KCNQ5: variants seen among roughly 807,000 people sequenced by gnomAD.
The protein encoded by KCNQ5 is potassium voltage-gated channel subfamily Q member 5, also known as potassium voltage-gated channel subfamily KQT member 5.
Under a neutral mutation model 98.2 loss-of-function variants are expected in KCNQ5, and 30 were observed. The ratio of observed to expected loss-of-function variants is 0.31; its 90% CI spans 0.23 to 0.41. The LOEUF is 0.41. Ranked by LOEUF, KCNQ5 falls within the 10% of genes least tolerant of loss-of-function variation. The pLI is 1.00. For missense variants in KCNQ5, 835 were observed against 1,182.5 expected (o/e 0.71, Z 4.31); for synonymous variants, 458 against 449.4 (o/e 1.02, Z -0.24).
At chr6:72,882,305 C>T (rs1339276433) in intron 1 of KCNQ5, among the ~76,000 whole-genome samples, 9 of 152,152 alleles carry the variant, frequency 5.9e-5, no homozygotes, top group African/African-American at 2.2e-4. Flanking sequence ...TTTAGTCCTG[C>T]TGTACAAAGA....
At chr6:72,891,401 C>T (rs1779052710) in intron 1 of KCNQ5, among the ~76,000 whole-genome samples, 1 of 152,096 alleles carries the variant, frequency 6.6e-6, no homozygotes, top group Non-Finnish European at 1.5e-5. Context: ...AGAGAATTAT[C>T]AATATATGAA....
chr6:73,055,812 C>A (rs1772462153), intron 3 of KCNQ5: 3 of 805,960 alleles, frequency 3.7e-6, no homozygotes, highest in Admixed American at 1.8e-5. Context: ...AGACCATGTG[C>A]AAAGCCATGG....
At chr6:73,087,180 A>G (rs2150400726) in intron 5 of KCNQ5, among the ~76,000 whole-genome samples, 1 of 152,328 alleles carries the variant, frequency 6.6e-6, no homozygotes, top group East Asian at 1.9e-4. Context: ...AAAAGCAGAG[A>G]GAGCAATTAA....
chr6:73,065,934 G>A (rs1431441820), intron 3 of KCNQ5, among the ~76,000 whole-genome samples: 1 of 152,140 alleles, frequency 6.6e-6, no homozygotes, highest in Non-Finnish European at 1.5e-5. Context: ...ATCACTTGAG[G>A]TCAGGAGTTC....
intron 5 of KCNQ5, among the ~76,000 whole-genome samples, chr6:73,103,686 G>A (rs1309382158): frequency 6.6e-6 from 1 of 151,928 alleles, no homozygotes; most frequent in Non-Finnish European, 1.5e-5. Flanking sequence ...TAGAATGATG[G>A]GTACCAGAGT....
chr6:72,837,614 G>A (rs1776561330), intron 1 of KCNQ5, among the ~76,000 whole-genome samples: 1 of 152,100 alleles, frequency 6.6e-6, no homozygotes, highest in Non-Finnish European at 1.5e-5. Flanking sequence ...AAATGTAAAA[G>A]GCATAAATGA....
intron 1 of KCNQ5, among the ~76,000 whole-genome samples, chr6:72,827,947 G>A (rs1046833736): frequency 2.0e-5 from 3 of 151,996 alleles, no homozygotes; most frequent in Non-Finnish European, 2.9e-5. Context: ...TTCTGCATAC[G>A]GATATCCAGT....
At chr6:72,911,351 CTCTT>C (rs1459846436) in intron 1 of KCNQ5, among the ~76,000 whole-genome samples, 1 of 152,150 alleles carries the variant, frequency 6.6e-6, no homozygotes, top group Non-Finnish European at 1.5e-5. Flanking sequence ...TAGCTAGCCT[CTCTT>C]TCCGCCATGT....
At chr6:72,634,184 C>T (rs1176725415) in intron 1 of KCNQ5, among the ~76,000 whole-genome samples, 1 of 152,088 alleles carries the variant, frequency 6.6e-6, no homozygotes, top group East Asian at 1.9e-4. Flanking sequence ...AGTGTATGCA[C>T]AATAAATGTT....
chr6:72,624,333 A>T (rs570974048), intron 1 of KCNQ5, among the ~76,000 whole-genome samples: 26 of 152,356 alleles, frequency 1.7e-4, no homozygotes, highest in African/African-American at 4.8e-4. Flanking sequence ...GGTAGCAAAT[A>T]TATATACTGT....
At chr6:72,666,492 T>A (rs575898305) in intron 1 of KCNQ5, among the ~76,000 whole-genome samples, 1 of 152,340 alleles carries the variant, frequency 6.6e-6, no homozygotes, top group East Asian at 1.9e-4. Context: ...TACTTTAAAC[T>A]CTGTTTTGAA....
Position 73,171,868 on chromosome 6 carries a change from A to G in KCNQ5, c.1577+2014A>G, listed in dbSNP as rs189150898. Among the ~76,000 whole-genome samples, 225 of 152,330 alleles carry G rather than the reference A, an allele frequency of 1.5e-3. 1 individual carries two copies. The highest frequency in any genetic ancestry group is 5.2e-3 in the African/African-American group (218 of 41,572). ...AGTGAGAGCAGATTAGGCTTCCTAAAAGTCATACTTAACCCAGTTTATGTC... is the reference window on the plus strand; with the variant it reads ...AGTGAGAGCAGATTAGGCTTCCTAAGAGTCATACTTAACCCAGTTTATGTC... On this transcript the variant is annotated intron_variant, in intron 11 of 13. Transcript: ENST00000370398.
chr6:73,057,544 A>G (rs1002028011), intron 3 of KCNQ5, among the ~76,000 whole-genome samples: 3 of 152,162 alleles, frequency 2.0e-5, no homozygotes, highest in African/African-American at 7.2e-5. Flanking sequence ...ACAGCTAACC[A>G]GGTAGGTGAA....
chr6:72,950,789 A>G (rs981974505), intron 1 of KCNQ5, among the ~76,000 whole-genome samples: 1 of 152,232 alleles, frequency 6.6e-6, no homozygotes, highest in Non-Finnish European at 1.5e-5. Flanking sequence ...CATAACTTGG[A>G]GGATGGCCAT....
chr6:72,828,420 G>T (rs1459671313), intron 1 of KCNQ5, among the ~76,000 whole-genome samples: 1 of 151,872 alleles, frequency 6.6e-6, no homozygotes, highest in Admixed American at 6.6e-5. Context: ...GTTTTGTAGG[G>T]TTCCTTATAG....
chr6:73,179,395 C>T (rs1017447549), intron 11 of KCNQ5, among the ~76,000 whole-genome samples: 3 of 152,154 alleles, frequency 2.0e-5, no homozygotes, highest in African/African-American at 7.2e-5. Context: ...CAGTTCCTCT[C>T]TCATGATAAC....
intron 1 of KCNQ5, among the ~76,000 whole-genome samples, chr6:72,780,400 T>A (rs1369188797): frequency 6.6e-6 from 1 of 152,192 alleles, no homozygotes; most frequent in Admixed American, 6.5e-5. Flanking sequence ...TGTGAGGTAT[T>A]GATATGCTCC....
intron 7 of KCNQ5, among the ~76,000 whole-genome samples, chr6:73,117,557 C>T (rs1208982609): frequency 1.3e-5 from 2 of 152,188 alleles, no homozygotes; most frequent in Non-Finnish European, 2.9e-5. Context: ...CAGGCAATGC[C>T]TTGGTCCCAT....
chr6:72,827,925 C>T (rs181005042), intron 1 of KCNQ5, among the ~76,000 whole-genome samples: 59 of 152,170 alleles, frequency 3.9e-4, no homozygotes, highest in Non-Finnish European at 7.4e-4. Context: ...AGGTGGAAGT[C>T]TAGTTTTATT....
Sources: gnomAD v4.1 joint callset for allele counts (sites outside exome capture counted in the v4.1 genomes callset) on GRCh38, gnomAD v4.1.1 for gene constraint, MANE v1.5 for transcripts, NCBI Gene and HGNC (gene_info 2026-07-23, HGNC 2026-07-21) for gene names.